Variants in GRIN2A observed in about 807,000 individuals in gnomAD.
GRIN2A encodes glutamate ionotropic receptor NMDA type subunit 2A.
In GRIN2A, 22 loss-of-function variants were observed where a neutral mutation model predicts 113.4. That is an observed-to-expected ratio of 0.19 (90% CI 0.14 to 0.28). The LOEUF is 0.28. Among genes scored for constraint, GRIN2A ranks in the 10% least tolerant of loss-of-function variants. The pLI is 1.00. For missense variants in GRIN2A, 1,502 were observed against 1,887.0 expected, an observed-to-expected ratio of 0.80 and a Z score of 3.78; for synonymous variants, 827 against 738.4, an observed-to-expected ratio of 1.12 and a Z score of -1.94.
At chr16:10,170,043 G>A (rs1414269523) in intron 2 of GRIN2A, among the ~76,000 whole-genome samples, 1 of 152,132 alleles carries the variant, frequency 6.6e-6, no homozygotes, top group South Asian at 2.1e-4. Context: ...TAACATAAAT[G>A]TATGAATCAC....
intron 4 of GRIN2A, among the ~76,000 whole-genome samples, chr16:9,878,242 T>C (rs1375331317): frequency 6.6e-6 from 1 of 152,160 alleles, no homozygotes; most frequent in Non-Finnish European, 1.5e-5. Flanking sequence ...TGACTCTGGC[T>C]CTATTAAAAT....
chr16:9,951,539 A>G (rs2045179863), intron 2 of GRIN2A, among the ~76,000 whole-genome samples: 1 of 152,240 alleles, frequency 6.6e-6, no homozygotes. Flanking sequence ...CAGCCTGTCC[A>G]AGACCCACTT....
chr16:10,074,921 C>G (rs1004015192), intron 2 of GRIN2A, among the ~76,000 whole-genome samples: 1 of 152,178 alleles, frequency 6.6e-6, no homozygotes, highest in Admixed American at 6.5e-5. Flanking sequence ...CTAGGTATCA[C>G]TTATTGACCA....
intron 3 of GRIN2A, among the ~76,000 whole-genome samples, chr16:9,924,147 C>T (rs573919533): frequency 1.3e-5 from 2 of 149,842 alleles, no homozygotes; most frequent in Admixed American, 6.7e-5. Flanking sequence ...AAACAAAAAC[C>T]TCATGCGTTT....
chr16:10,032,493 T>G (rs1234127598), intron 2 of GRIN2A, among the ~76,000 whole-genome samples: 1 of 152,198 alleles, frequency 6.6e-6, no homozygotes, highest in East Asian at 1.9e-4. Context: ...AGTATCTCAT[T>G]GAATCTTCTC....
At chr16:9,874,678 T>C (rs2043330982) in intron 4 of GRIN2A, among the ~76,000 whole-genome samples, 1 of 152,198 alleles carries the variant, frequency 6.6e-6, no homozygotes, top group Non-Finnish European at 1.5e-5. Context: ...GACTTTGCCA[T>C]ATACTTGCTT....
At chr16:10,040,900 C>T (rs2047155765) in intron 2 of GRIN2A, among the ~76,000 whole-genome samples, 1 of 152,240 alleles carries the variant, frequency 6.6e-6, no homozygotes, top group Non-Finnish European at 1.5e-5. Context: ...GCGAAAGCGG[C>T]CCCAGCCAGG....
chr16:9,808,869 C>T (rs752854652), intron 10 of GRIN2A, among the ~76,000 whole-genome samples: 5 of 152,066 alleles, frequency 3.3e-5, no homozygotes, highest in Admixed American at 1.3e-4. Context: ...GACTCCCCAA[C>T]GATCCTTAAC....
At chr16:9,881,598 T>C (rs148458991) in intron 4 of GRIN2A, among the ~76,000 whole-genome samples, 1 of 152,312 alleles carries the variant, frequency 6.6e-6, no homozygotes, top group African/African-American at 2.4e-5. Context: ...AAGCCCATAC[T>C]AAAAGATGCT....
At chr16:9,986,147 T>G (rs2045975947) in intron 2 of GRIN2A, among the ~76,000 whole-genome samples, 1 of 152,062 alleles carries the variant, frequency 6.6e-6, no homozygotes, top group African/African-American at 2.4e-5. Flanking sequence ...ACAGCATTGT[T>G]CCTTCTGGCT....
chr16:10,175,734 T>C lies in GRIN2A; in HGVS notation c.414+4264A>G, dbSNP rs542095077. 2.6e-5 allele frequency among the ~76,000 whole-genome samples: 4 copies of C among 152,296 alleles called. No individual in the cohort carries two copies. In the East Asian group the frequency reaches 7.7e-4, roughly 29 times the overall value. On this transcript the variant is annotated intron_variant, in intron 2 of 12. Coordinates refer to ENST00000330684, the MANE Select transcript of GRIN2A (RefSeq NM_001134407.3). ...AACGAAACCCAAGTGATAACTGGCA[T>C]GGATGGATATAGCTAAAATCTGAGC...
chr16:9,944,914 A>G (rs533342735), intron 2 of GRIN2A, among the ~76,000 whole-genome samples: 135 of 152,330 alleles, frequency 8.9e-4, no homozygotes, highest in Non-Finnish European at 1.5e-3. Context: ...GCTCTGTACC[A>G]GGCATTGTTC....
intron 4 of GRIN2A, among the ~76,000 whole-genome samples, chr16:9,890,775 C>T (rs1460322630): frequency 1.3e-5 from 2 of 152,130 alleles, no homozygotes; most frequent in Non-Finnish European, 1.5e-5. Context: ...TACAGCGCAC[C>T]ACACAATTAC....
intron 2 of GRIN2A, among the ~76,000 whole-genome samples, chr16:10,136,794 T>G (rs1070481): frequency 0.25 from 37,549 of 152,140 alleles, 5,365 homozygotes; most frequent in East Asian, 0.4. Context: ...GCACTTAACA[T>G]ACAATGTTTC....
intron 2 of GRIN2A, chr16:10,112,618 TG>T: frequency 1.3e-6 from 1 of 770,060 alleles, no homozygotes; most frequent in South Asian, 1.3e-5. Flanking sequence ...TACTGGGGCA[TG>T]GGCTCGCTAG....
Position 9,934,648 on chromosome 16 carries a change from C to A in GRIN2A, c.1007+3311G>T, listed in dbSNP as rs188707775. Among the ~76,000 whole-genome samples the A allele has an allele frequency of 8.2e-5, 10 of 121,582 alleles. No homozygotes were observed. The East Asian group carries it at 2.2e-3, about 27-fold the overall frequency. 79.8% of individuals were successfully genotyped at this position (121,582 alleles called of 152,430 possible). A position where few individuals can be genotyped will look rare whatever the true frequency, so the allele number is the denominator to read the frequency against. ...TGAGCCGAGATTGTGCCACAGCACT[C>A]CAGTCTGGGAGACAGAGCGAGACTC... On this transcript the variant is annotated intron_variant, in intron 3 of 12. Coordinates refer to ENST00000330684, the MANE Select transcript of GRIN2A (RefSeq NM_001134407.3).
chr16:10,118,444 T>C (rs74420434), intron 2 of GRIN2A, among the ~76,000 whole-genome samples: 2,191 of 152,242 alleles, frequency 0.014, 70 homozygotes, highest in African/African-American at 0.05. Flanking sequence ...GCACCTGTTT[T>C]GCAATTTTCA....
chr16:10,111,354 T>G, intron 2 of GRIN2A: 1 of 420,266 alleles, frequency 2.4e-6, no homozygotes. Flanking sequence ...GCGCGGGTGT[T>G]TGTCGCTTCG....
intron 4 of GRIN2A, among the ~76,000 whole-genome samples, chr16:9,864,899 G>C (rs115693379): frequency 6.6e-6 from 1 of 152,126 alleles, no homozygotes; most frequent in African/African-American, 2.4e-5. Flanking sequence ...AATGAAAGGG[G>C]TTGGTGCCTG....
Sources: allele counts gnomAD v4.1 joint callset (sites outside exome capture counted in the v4.1 genomes callset), GRCh38; gene constraint gnomAD v4.1.1; transcripts MANE v1.5; gene names NCBI Gene and HGNC (gene_info 2026-07-23, HGNC 2026-07-21).